KHDRBS2: variants seen among roughly 807,000 people sequenced by gnomAD.
KHDRBS2 encodes the protein KH domain-containing, RNA-binding, signal transduction-associated protein 2.
In KHDRBS2, 26 loss-of-function variants were observed where a neutral mutation model predicts 44.3. The ratio of observed to expected loss-of-function variants is 0.59; its 90% CI spans 0.43 to 0.81. KHDRBS2 has a LOEUF of 0.81. KHDRBS2 is among the 40% of genes least tolerant of loss of function. The probability of loss-of-function intolerance (pLI) is 0.00; values close to 1 mark genes in which losing one functional copy is unlikely to be tolerated. For missense variants in KHDRBS2, 476 were observed against 433.1 expected, an observed-to-expected ratio of 1.10 and a Z score of -0.88; for synonymous variants, 194 against 151.1, an observed-to-expected ratio of 1.28 and a Z score of -2.08.
At chr6:61,789,322 T>G (rs1041193230) in intron 6 of KHDRBS2, among the ~76,000 whole-genome samples, 1 of 151,456 alleles carries the variant, frequency 6.6e-6, no homozygotes, top group Admixed American at 6.6e-5. Flanking sequence ...GAGAAAAGTA[T>G]TGGCATAGCA....
At chr6:62,035,463 C>T (rs1345824384) in intron 3 of KHDRBS2, among the ~76,000 whole-genome samples, 2 of 151,738 alleles carry the variant, frequency 1.3e-5, no homozygotes, top group Non-Finnish European at 2.9e-5. Flanking sequence ...CTCATGGAGA[C>T]AGAAAGTAGA....
chr6:62,073,522 T>C (rs9346031), intron 2 of KHDRBS2, among the ~76,000 whole-genome samples: 14,029 of 126,706 alleles, frequency 0.11, 979 homozygotes, highest in East Asian at 0.31. Flanking sequence ...GTGATTTTTT[T>C]CTTTTTTCTT....
the KHDRBS2 span, among the ~76,000 whole-genome samples, chr6:61,581,228 C>A: frequency 6.6e-6 from 1 of 151,966 alleles, no homozygotes; most frequent in East Asian, 1.9e-4. Flanking sequence ...ATGTGCATGG[C>A]CATGCACAAT....
At chr6:61,632,596 A>G in the KHDRBS2 span, among the ~76,000 whole-genome samples, 4 of 152,164 alleles carry the variant, frequency 2.6e-5, no homozygotes, top group Non-Finnish European at 5.9e-5. Flanking sequence ...TGTGAATGGC[A>G]TATTCTTGAT....
chr6:61,956,741 C>T (rs1767419492), intron 4 of KHDRBS2, among the ~76,000 whole-genome samples: 3 of 152,312 alleles, frequency 2.0e-5, no homozygotes, highest in Admixed American at 2.0e-4. Flanking sequence ...GGCTTCTCCA[C>T]ATACCAAGCT....
intron 4 of KHDRBS2, among the ~76,000 whole-genome samples, chr6:61,953,120 T>A (rs141592723): frequency 6.6e-6 from 1 of 152,072 alleles, no homozygotes; most frequent in Non-Finnish European, 1.5e-5. Context: ...ATGTAATTTA[T>A]TTATAATGAA....
chr6:61,971,145 A>G (rs1464289829), intron 4 of KHDRBS2, among the ~76,000 whole-genome samples: 1 of 152,152 alleles, frequency 6.6e-6, no homozygotes, highest in Non-Finnish European at 1.5e-5. Context: ...AGCCATTTGT[A>G]CTTGTATTTT....
At chr6:61,728,791 T>C (rs1364302244) in intron 7 of KHDRBS2, among the ~76,000 whole-genome samples, 5 of 152,154 alleles carry the variant, frequency 3.3e-5, no homozygotes, top group Non-Finnish European at 5.9e-5. Context: ...ACAACAGCTG[T>C]TTCTGGGTGA....
At chr6:61,691,863 C>T (rs552056116) in intron 8 of KHDRBS2, among the ~76,000 whole-genome samples, 11 of 152,200 alleles carry the variant, frequency 7.2e-5, no homozygotes, top group Admixed American at 3.3e-4. Context: ...AAGTGAGGCA[C>T]TCAAATGCCC....
chr6:62,098,051 G>A (rs1197042557), intron 2 of KHDRBS2, among the ~76,000 whole-genome samples: 2 of 151,864 alleles, frequency 1.3e-5, no homozygotes, highest in Non-Finnish European at 2.9e-5. Flanking sequence ...CCCACATTTG[G>A]AATTTTTAAT....
At chr6:62,044,141 C>T (rs1190343662) in intron 3 of KHDRBS2, among the ~76,000 whole-genome samples, 1 of 151,952 alleles carries the variant, frequency 6.6e-6, no homozygotes, top group Non-Finnish European at 1.5e-5. Flanking sequence ...GAGTTTAAGA[C>T]ATACTTTGTA....
chr6:62,193,157 A>G (rs1457838194), intron 1 of KHDRBS2, among the ~76,000 whole-genome samples: 1 of 152,070 alleles, frequency 6.6e-6, no homozygotes, highest in African/African-American at 2.4e-5. Context: ...GTATATCTCT[A>G]TATGTATAGA....
intron 4 of KHDRBS2, among the ~76,000 whole-genome samples, chr6:61,947,952 T>C (rs866761719): frequency 7.5e-6 from 1 of 133,528 alleles, no homozygotes; most frequent in African/African-American, 2.8e-5. Flanking sequence ...ATAATAATAA[T>C]AACAGAGGAA....
At chr6:61,999,417 A>G (rs533050408) in intron 3 of KHDRBS2, among the ~76,000 whole-genome samples, 21 of 152,144 alleles carry the variant, frequency 1.4e-4, no homozygotes, top group Non-Finnish European at 2.6e-4. Flanking sequence ...AAGCATCATT[A>G]TCATGAGTAA....
At chr6:61,672,345 C>A in the KHDRBS2 span, among the ~76,000 whole-genome samples, 2 of 151,984 alleles carry the variant, frequency 1.3e-5, no homozygotes, top group African/African-American at 4.8e-5. Context: ...ATTTATAGTC[C>A]TTTGGGTATA....
the KHDRBS2 span, among the ~76,000 whole-genome samples, chr6:61,590,195 T>C: frequency 2.0e-5 from 3 of 152,162 alleles, no homozygotes; most frequent in Non-Finnish European, 4.4e-5. Context: ...GAAAAATAAG[T>C]TGCAATAATG....
intron 1 of KHDRBS2, among the ~76,000 whole-genome samples, chr6:62,214,924 A>T (rs921917273): frequency 2.0e-5 from 3 of 151,950 alleles, no homozygotes; most frequent in Non-Finnish European, 4.4e-5. Context: ...TCTTCATTTG[A>T]CATTCACATT....
At chr6:61,650,668 G>A in the KHDRBS2 span, among the ~76,000 whole-genome samples, 1 of 151,566 alleles carries the variant, frequency 6.6e-6, no homozygotes, top group Non-Finnish European at 1.5e-5. Flanking sequence ...AATAGCCCTT[G>A]AATGAACACA....
chr6:61,982,647 G>A (rs1774088929), intron 3 of KHDRBS2, among the ~76,000 whole-genome samples: 1 of 150,784 alleles, frequency 6.6e-6, no homozygotes, highest in African/African-American at 2.4e-5. Context: ...CTCCAGCCTG[G>A]GCGACAGAGC....
Sources: gnomAD v4.1 joint callset for allele counts (sites outside exome capture counted in the v4.1 genomes callset) on GRCh38, gnomAD v4.1.1 for gene constraint, MANE v1.5 for transcripts, NCBI Gene and HGNC (gene_info 2026-07-23, HGNC 2026-07-21) for gene names.